SAMD5: variants seen among roughly 807,000 people sequenced by gnomAD.
The protein encoded by SAMD5 is sterile alpha motif domain-containing protein 5.
A neutral mutation model predicts 11.3 loss-of-function variants in SAMD5; 13 were observed. The ratio of observed to expected loss-of-function variants is 1.15; its 90% CI spans 0.75 to 1.83. The LOEUF is 1.83. Ranked by LOEUF, SAMD5 falls within the 40% of genes most tolerant of loss-of-function variation. The pLI, the probability that SAMD5 is intolerant of heterozygous loss-of-function variation, is 0.00. For synonymous variants in SAMD5, 129 were observed against 111.3 expected (o/e 1.16, Z -1.00); for missense variants, 255 against 239.1 (o/e 1.07, Z -0.44).
the SAMD5 span, among the ~76,000 whole-genome samples, chr6:147,903,852 G>A: frequency 2.3e-4 from 35 of 151,548 alleles, no homozygotes; most frequent in Non-Finnish European, 1.6e-4. Context: ...AGGTTGCAGT[G>A]AGCCGAGATC....
the SAMD5 span, among the ~76,000 whole-genome samples, chr6:147,939,236 G>A: frequency 6.6e-6 from 1 of 152,136 alleles, no homozygotes. Flanking sequence ...TGTGTTCACT[G>A]GCCCTGAAGG....
intron 1 of SAMD5, among the ~76,000 whole-genome samples, chr6:147,672,151 G>T (rs1236032596): frequency 6.6e-6 from 1 of 151,628 alleles, no homozygotes; most frequent in Non-Finnish European, 1.5e-5. Flanking sequence ...TTTGTTATTT[G>T]TCTTAATGCT....
chr6:147,876,513 T>A, the SAMD5 span, among the ~76,000 whole-genome samples: 1 of 152,178 alleles, frequency 6.6e-6, no homozygotes, highest in Non-Finnish European at 1.5e-5. Flanking sequence ...GAACCTTTGG[T>A]TGGTGAATGG....
At chr6:147,784,087 G>A in the SAMD5 span, among the ~76,000 whole-genome samples, 336 of 152,202 alleles carry the variant, frequency 2.2e-3, 1 homozygote, top group Admixed American at 3.6e-3. Context: ...TGCCTCGACC[G>A]TCTCTGAATC....
chr6:147,870,305 C>T, the SAMD5 span, among the ~76,000 whole-genome samples: 75 of 152,076 alleles, frequency 4.9e-4, no homozygotes, highest in South Asian at 2.3e-3. Context: ...TCCCACCTGT[C>T]AAGCATGAGC....
At chr6:147,625,712 A>AC (rs1790040608) in intron 1 of SAMD5, among the ~76,000 whole-genome samples, 1 of 151,310 alleles carries the variant, frequency 6.6e-6, no homozygotes, top group African/African-American at 2.4e-5. Context: ...GTTAAAAGAA[A>AC]ACACATACAC....
chr6:147,661,026 T>G (rs1790641395), intron 1 of SAMD5, among the ~76,000 whole-genome samples: 1 of 152,178 alleles, frequency 6.6e-6, no homozygotes, highest in Admixed American at 6.5e-5. Flanking sequence ...CGTAGATTTG[T>G]CCCTAAACTG....
chr6:147,562,827 A>T (rs702340), intron 1 of SAMD5, among the ~76,000 whole-genome samples: 21,403 of 151,952 alleles, frequency 0.14, 1,820 homozygotes, highest in East Asian at 0.31. Flanking sequence ...GTCTCAAAAA[A>T]AAATAAATAA....
chr6:147,914,158 CT>C, the SAMD5 span, among the ~76,000 whole-genome samples: 64,037 of 132,318 alleles, frequency 0.48, 15,863 homozygotes, highest in African/African-American at 0.67. Context: ...GTTTTTGCGA[CT>C]TTTTTTTTTT....
intron 1 of SAMD5, among the ~76,000 whole-genome samples, chr6:147,695,048 G>A (rs1284817287): frequency 6.6e-6 from 1 of 152,144 alleles, no homozygotes; most frequent in African/African-American, 2.4e-5. Context: ...TCTGAATTTT[G>A]AAGGCTCATC....
At chr6:147,820,767 G>A in the SAMD5 span, among the ~76,000 whole-genome samples, 19 of 152,262 alleles carry the variant, frequency 1.2e-4, no homozygotes, top group Admixed American at 4.6e-4. Context: ...TCACTTTGCC[G>A]GGTGGAAAGG....
intron 1 of SAMD5, among the ~76,000 whole-genome samples, chr6:147,599,931 C>A (rs1002160403): frequency 1.3e-5 from 2 of 152,026 alleles, no homozygotes; most frequent in Admixed American, 6.5e-5. Context: ...TGTATGGGAC[C>A]AGGAGGTATA....
At chr6:147,716,770 C>A (rs1791474933) in intron 1 of SAMD5, among the ~76,000 whole-genome samples, 2 of 152,302 alleles carry the variant, frequency 1.3e-5, no homozygotes, top group East Asian at 1.9e-4. Flanking sequence ...ACTAAAGATA[C>A]TTCTATTTTG....
At chr6:147,807,345 C>T in the SAMD5 span, among the ~76,000 whole-genome samples, 6 of 152,202 alleles carry the variant, frequency 3.9e-5, 1 homozygote, top group South Asian at 2.1e-4. Flanking sequence ...CCTCATGATC[C>T]GCCTGCCTTG....
the SAMD5 span, among the ~76,000 whole-genome samples, chr6:147,790,858 G>A: frequency 7.2e-6 from 1 of 139,760 alleles, no homozygotes; most frequent in East Asian, 2.2e-4. Context: ...GAAAGCTGGG[G>A]CAAACTTTTC....
At chr6:147,525,151 T>C (rs538571715) in intron 1 of SAMD5, among the ~76,000 whole-genome samples, 10 of 149,868 alleles carry the variant, frequency 6.7e-5, no homozygotes, top group Admixed American at 6.0e-4. Flanking sequence ...GATTTTTATT[T>C]AAAAAAAAAG....
rs183727362 is a variant in SAMD5, at chr6:147,720,442, G to A, written c.163-16875G>A. Among the ~76,000 whole-genome samples, 1,024 of 143,142 alleles carry A rather than the reference G, an allele frequency of 7.2e-3. 11 individuals are homozygous for A. The highest frequency in any genetic ancestry group is 0.025 in the African/African-American group (978 of 39,766). 93.9% of individuals were successfully genotyped at this position (143,142 alleles called of 152,430 possible). On this transcript the variant is annotated intron_variant, in intron 1 of 1. Coordinates refer to the SAMD5 transcript ENST00000566741. The stretch of plus-strand genomic sequence containing the variant: ...AGCGCCACTGCACTCCAGCCTGGGC[G>A]ACAGAGCGAGACTCTGTCTCAAAAA...
intron 1 of SAMD5, among the ~76,000 whole-genome samples, chr6:147,663,374 G>T (rs1426548763): frequency 2.0e-5 from 3 of 152,102 alleles, no homozygotes; most frequent in Non-Finnish European, 4.4e-5. Flanking sequence ...TGGGTACTAG[G>T]CTTAACACCT....
At chr6:147,912,320 A>G in the SAMD5 span, among the ~76,000 whole-genome samples, 12 of 152,162 alleles carry the variant, frequency 7.9e-5, no homozygotes, top group Non-Finnish European at 2.9e-5. Flanking sequence ...GAGCCCTAAC[A>G]TATGAATCAT....
Sources: allele counts gnomAD v4.1 joint callset (sites outside exome capture counted in the v4.1 genomes callset), GRCh38; gene constraint gnomAD v4.1.1; transcripts MANE v1.5; gene names NCBI Gene and HGNC (gene_info 2026-07-23, HGNC 2026-07-21).